SLX4: variants seen among roughly 807,000 people sequenced by gnomAD.
SLX4 encodes SLX4 structure-specific endonuclease subunit.
SLX4 carries 112 observed loss-of-function variants against 146.2 expected under a neutral mutation model. That is an observed-to-expected ratio of 0.77 (90% CI 0.66 to 0.90). The LOEUF is 0.90. Among genes scored for constraint, SLX4 ranks in the 40% least tolerant of loss-of-function variants. The probability of loss-of-function intolerance (pLI) is 0.00; values close to 1 mark genes in which losing one functional copy is unlikely to be tolerated. For missense variants in SLX4, 2,563 were observed against 2,392.7 expected, an observed-to-expected ratio of 1.07 and a Z score of -1.49; for synonymous variants, 1,061 against 997.7, an observed-to-expected ratio of 1.06 and a Z score of -1.20.
chr16:3,606,035 A>G (rs1208576062), intron 3 of SLX4, among the ~76,000 whole-genome samples: 1 of 150,706 alleles, frequency 6.6e-6, no homozygotes, highest in Non-Finnish European at 1.5e-5. Flanking sequence ...TGAGGTAGGC[A>G]GATCACTTGA....
intron 12 of SLX4, among the ~76,000 whole-genome samples, chr16:3,585,585 CAA>C (rs35181087): frequency 8.0e-4 from 72 of 90,010 alleles, no homozygotes; most frequent in African/African-American, 1.5e-3. Context: ...GACTCTGTCT[CAA>C]AAAAAAAAAA....
At position 3,583,184 on chromosome 16, in the gene SLX4, C is replaced by A. The variant is rs2151116548; in HGVS notation, c.5066G>T (p.Gly1689Val). The A allele has an allele frequency of 6.2e-7, 1 of 1,614,210 alleles. No individual in the cohort carries two copies. The highest frequency in any genetic ancestry group is 8.5e-7 in the Non-Finnish European group (1 of 1,180,034). ...TGGGATCTGGGCGTCATCATTGAGG[C>A]CTGGAGGTGCCTCCTTGGTGGGCGA... ...SRSPTKEAPP[G>V]LNDDAQIPAS... is the part of the protein sequence containing the mutation. The change falls in exon 14 of 15, where the codon GGC becomes GTC. Residue 1689 changes from glycine (G) to valine (V), a missense_variant. Physicochemically the swap from Gly to Val is moderately radical, Grantham distance 109. Transcript: ENST00000294008.
chr16:3,609,061 G>C lies in SLX4; in HGVS notation c.-97C>G. 1 of 1,417,940 alleles carries C rather than the reference G, an allele frequency of 7.1e-7. No individual in the cohort carries two copies. The highest frequency in any genetic ancestry group is 9.6e-7 in the Non-Finnish European group (1 of 1,039,002). The allele number at this position is 1,417,940 out of a possible 1,614,324, so 87.8% of individuals were successfully genotyped here. On this transcript the variant is annotated 5_prime_UTR_variant, in exon 2 of 15. Transcript: ENST00000294008. ...TCTCTATAATGATTGAAGTATCTTT[G>C]TTCAAATTGGGCCTGTGGTTAAACA...
chr16:3,593,721 CCT>C (rs1224773288), intron 10 of SLX4, among the ~76,000 whole-genome samples: 1 of 152,142 alleles, frequency 6.6e-6, no homozygotes, highest in Non-Finnish European at 1.5e-5. Context: ...AGAATAGCTC[CCT>C]GAGTTCCTGC....
Position 3,582,320 on chromosome 16 carries a change from G to C in SLX4, c.*22C>G. On this transcript the variant is annotated 3_prime_UTR_variant, in exon 15 of 15. Transcript: ENST00000294008. ...GGTGGGGGCTGCTGATGGCAGGTTG[G>C]GGTGGGGTCGGGATGGCCCCATCAG... 1 of 1,597,686 alleles carries C rather than the reference G, an allele frequency of 6.3e-7. No individual in the cohort carries two copies. The highest frequency in any genetic ancestry group is 8.5e-7 in the Non-Finnish European group (1 of 1,172,026).
At position 3,609,552 on chromosome 16, in the gene SLX4, C is replaced by T. The variant is rs1283964495; in HGVS notation, c.-588G>A. On this transcript the variant is annotated 5_prime_UTR_variant, in exon 2 of 15. Transcript: ENST00000294008. ...CCATGATGATGAAACATATATGGTT[C>T]ACTTAATTACACATCTGTGGAAAAC... The T allele has an allele frequency of 6.5e-6, 1 of 153,602 alleles. No homozygotes were observed. Among genetic ancestry groups the T allele is most frequent in the Non-Finnish European group, 1.4e-5 (1 of 69,014 alleles). 9.5% of individuals were successfully genotyped at this position (153,602 alleles called of 1,614,324 possible).
intron 1 of SLX4, 25 bp downstream of exon 1, chr16:3,611,535 A>T (rs1323191217): frequency 2.0e-5 from 3 of 152,452 alleles, no homozygotes; most frequent in African/African-American, 4.8e-5. Context: ...GCCGACTCCC[A>T]GCCCCACAGC....
In SLX4 at chr16:3,590,236, C is replaced by G. The variant is rs149748089; in HGVS notation, c.3402G>C (p.Ser1134=). ...ATGAAGATTTCTGAGATCTGGAGCT[C>G]GAATGGTCAGGATTTGACTGGGTTA... ...IDLTQSNPDH[S]SSRSQKSSSK... is the part of the protein sequence containing the mutation. The change falls in exon 12 of 15, where the codon TCG becomes TCC. Residue 1134 remains serine, a synonymous_variant. Transcript: ENST00000294008. The surrounding 1 kb of genome is among the most constrained non-coding windows in gnomAD (Gnocchi z 4.8). 3.1e-6 allele frequency: 5 copies of G among 1,614,152 alleles called. No homozygotes were observed. In the African/African-American group the frequency reaches 6.7e-5, roughly 22 times the overall value.
rs1462764056 is a variant in SLX4 at position 3,582,145 on chromosome 16, C to T, written c.*197G>A. ...CCAGTGGGTGACATGCTCCAAATGC[C>T]ACCCTAGAAAGCAGAGCCCAGAGGA... On this transcript the variant is annotated 3_prime_UTR_variant, in exon 15 of 15. Coordinates refer to ENST00000294008, the MANE Select transcript of SLX4 (RefSeq NM_032444.4). 5.0e-6 allele frequency: 3 copies of T among 601,662 alleles called. No individual in the cohort carries two copies. The highest frequency in any genetic ancestry group is 1.9e-5 in the African/African-American group (1 of 53,896). 37.3% of individuals were successfully genotyped at this position (601,662 alleles called of 1,614,324 possible). A position where few individuals can be genotyped will look rare whatever the true frequency, so the allele number is the denominator to read the frequency against.
At chr16:3,583,599 T>C (rs2040470356) in intron 13 of SLX4, 89 bp from the exon 14 acceptor site, 1 of 1,421,904 alleles carries the variant, frequency 7.0e-7, no homozygotes, top group Non-Finnish European at 9.9e-7. Flanking sequence ...TGATACCCAA[T>C]GCATTCAGCG....
intron 1 of SLX4, 106 bp downstream of exon 1, chr16:3,611,454 G>A (rs2040872251): frequency 6.6e-6 from 1 of 152,270 alleles, no homozygotes; most frequent in South Asian, 2.1e-4. Context: ...CGAGGGAGAC[G>A]GGCGAGAAAG....
rs770425994 is a variant in SLX4, at chr16:3,583,328, A to AC, written c.4921dup (p.Val1641GlyfsTer15). The AC allele has an allele frequency of 2.3e-5, 37 of 1,613,450 alleles. No individual in the cohort carries two copies. In the South Asian group the frequency reaches 3.1e-4, roughly 13 times the overall value. On this transcript the variant is annotated frameshift_variant, in exon 14 of 15. Transcript: ENST00000294008. LOFTEE classifies it high-confidence loss of function. ...TGTGGTGGCCTCCTGCTGGGCATGGACCCCTGCCCTTGAAGGCTTGTAGGT... is the reference window on the plus strand; with the variant it reads ...TGTGGTGGCCTCCTGCTGGGCATGGACCCCCTGCCCTTGAAGGCTTGTAGGT...
At position 3,606,462 on chromosome 16, in the gene SLX4, C is replaced by T. The variant is rs2151137685; in HGVS notation, c.760+12G>A. 6.2e-7 allele frequency: 1 copy of T among 1,613,478 alleles called. No individual in the cohort carries two copies. Among genetic ancestry groups the T allele is most frequent in the Non-Finnish European group, 8.5e-7 (1 of 1,179,388 alleles). ...TATCTCTGTGTGGAAGACAGAAACA[C>T]ACTCATCATACCATTCCCCGCCATC... On this transcript the variant is annotated intron_variant, in intron 3 of 14. Transcript: ENST00000294008.
chr16:3,595,707 T>G lies in SLX4; in HGVS notation c.1925-14A>C. On this transcript the variant is annotated splice_polypyrimidine_tract_variant and intron_variant, in intron 8 of 14. Coordinates refer to ENST00000294008, the MANE Select transcript of SLX4 (RefSeq NM_032444.4). Reference sequence around the variant, plus strand: ...CCACGTCCAACCCTGAGTGGAGGATTCACAGGTTAAAGGAACGTCACAGCC... The same window carrying G: ...CCACGTCCAACCCTGAGTGGAGGATGCACAGGTTAAAGGAACGTCACAGCC... 1.9e-6 allele frequency: 3 copies of G among 1,613,754 alleles called. No homozygotes were observed. The highest frequency in any genetic ancestry group is 2.5e-6 in the Non-Finnish European group (3 of 1,179,922).
Position 3,594,559 on chromosome 16 carries a change from A to C in SLX4, c.2054T>G (p.Val685Gly), listed in dbSNP as rs761156104. 3 of 1,614,034 alleles carry C rather than the reference A, an allele frequency of 1.9e-6. No individual in the cohort carries two copies. In the East Asian group the frequency reaches 6.7e-5, roughly 36 times the overall value. Reference sequence around the variant, plus strand: ...GACATCACTCAGGTGTGGGTTATTGACCATGGCGCCAAAGTCAGCAACCAG... The same window carrying C: ...GACATCACTCAGGTGTGGGTTATTGCCCATGGCGCCAAAGTCAGCAACCAG... ...GLLVADFGAM[V>G]NNPHLSDVQF... Residue 685 changes from valine to glycine, a missense_variant, in exon 10 of 15, where the codon GTC becomes GGC. By Grantham distance (109) the Val-to-Gly change is moderately radical. Transcript: ENST00000294008.
chr16:3,586,724 G>A (rs549014470), intron 12 of SLX4, among the ~76,000 whole-genome samples: 4 of 151,662 alleles, frequency 2.6e-5, no homozygotes, highest in East Asian at 1.9e-4. Flanking sequence ...AGGCTGAGGC[G>A]GGAGAATCGC....
chr16:3,584,726 G>A, intron 13 of SLX4, 43 bp downstream of exon 13: 4 of 1,463,132 alleles, frequency 2.7e-6, no homozygotes, highest in Non-Finnish European at 3.8e-6. Context: ...ACTTATGGGA[G>A]GGAAAAGACC....
chr16:3,601,577 C>T, intron 4 of SLX4: 1 of 348,010 alleles, frequency 2.9e-6, no homozygotes, highest in South Asian at 2.4e-5. Context: ...AAGGATAAAC[C>T]ATGGTCATAT....
intron 5 of SLX4, among the ~76,000 whole-genome samples, chr16:3,598,964 G>A (rs537589882): frequency 6.6e-6 from 1 of 152,300 alleles, no homozygotes; most frequent in South Asian, 2.1e-4. Flanking sequence ...TGGGGAGGGA[G>A]GGGTTCAAAG....
Sources: gnomAD v4.1 joint callset for allele counts (sites outside exome capture counted in the v4.1 genomes callset) on GRCh38, gnomAD v4.1.1 for gene constraint, Gnocchi (gnomAD v3.1) non-coding constraint, MANE v1.5 for transcripts, NCBI Gene and HGNC (gene_info 2026-07-23, HGNC 2026-07-21) for gene names.